MLLT1: variants seen among roughly 807,000 people sequenced by gnomAD.
MLLT1 encodes the protein MLLT1 super elongation complex subunit.
MLLT1 carries 11 observed loss-of-function variants against 55.1 expected under a neutral mutation model. The observed-to-expected ratio is 0.20, with a 90% CI of 0.13 to 0.33. The LOEUF is 0.33. MLLT1 is among the 10% of genes least tolerant of loss of function. MLLT1 has a pLI of 1.00. For missense variants in MLLT1, 536 were observed against 760.6 expected (o/e 0.70, Z 3.47); for synonymous variants, 323 against 320.1 (o/e 1.01, Z -0.10).
intron 2 of MLLT1, among the ~76,000 whole-genome samples, chr19:6,268,228 G>A (rs2091365005): frequency 2.0e-5 from 3 of 152,222 alleles, no homozygotes; most frequent in Non-Finnish European, 2.9e-5. Context: ...AAGGTAAACA[G>A]GCTCACATCA....
In MLLT1 at chr19:6,230,084, C is replaced by T. The variant is rs909524235; in HGVS notation, c.420+486G>A. Among the ~76,000 whole-genome samples the T allele has an allele frequency of 2.6e-5, 4 of 152,170 alleles. No homozygotes were observed. Among genetic ancestry groups the T allele is most frequent in the Non-Finnish European group, 4.4e-5 (3 of 68,032 alleles). On this transcript the variant is annotated intron_variant, in intron 4 of 11. Coordinates refer to ENST00000252674, the MANE Select transcript of MLLT1 (RefSeq NM_005934.4). This position sits in a 1 kb window ranked among gnomAD's most constrained non-coding sequence, Gnocchi z 9.0. ...GCCCTCGTGGGGAACTCTGAGCCCC[C>T]ACAGGGTCCGGAGGGCTCGACTCCA...
intron 1 of MLLT1, among the ~76,000 whole-genome samples, chr19:6,277,917 C>G (rs2091435512): frequency 6.6e-6 from 1 of 152,222 alleles, no homozygotes; most frequent in South Asian, 2.1e-4. Context: ...CGTGGAAATC[C>G]ACCAATCAAC....
intron 5 of MLLT1, among the ~76,000 whole-genome samples, chr19:6,224,527 A>T (rs1455593342): frequency 6.6e-6 from 1 of 152,224 alleles, no homozygotes; most frequent in Admixed American, 6.5e-5. Context: ...GGTCACAGCC[A>T]CCAAGGGCAG....
In MLLT1 at chr19:6,227,110, C is replaced by T; in HGVS notation, c.421-8G>A. The T allele has an allele frequency of 1.3e-6, 2 of 1,592,288 alleles. No homozygotes were observed. Among genetic ancestry groups the T allele is most frequent in the Non-Finnish European group, 1.7e-6 (2 of 1,171,682 alleles). On this transcript the variant is annotated splice_polypyrimidine_tract_variant and splice_region_variant and intron_variant, in intron 4 of 11. Transcript: ENST00000252674. The surrounding 1 kb of genome is among the most constrained non-coding windows in gnomAD (Gnocchi z 5.1). ...TTCGGGCATTACCATCACCTAGTGA[C>T]AGAGAAGAGACAGTCATTATCGATG...
chr19:6,236,788 CT>C (rs1485418368), intron 3 of MLLT1, among the ~76,000 whole-genome samples: 1 of 152,210 alleles, frequency 6.6e-6, no homozygotes, highest in Non-Finnish European at 1.5e-5. Flanking sequence ...CTTCATGCCC[CT>C]GAGGCCTGGC....
chr19:6,265,384 G>A (rs908514798), intron 2 of MLLT1, among the ~76,000 whole-genome samples: 1 of 152,130 alleles, frequency 6.6e-6, no homozygotes, highest in Non-Finnish European at 1.5e-5. Flanking sequence ...AAAAAGTTTT[G>A]GATCGGCTGG....
rs959003572 is a variant in MLLT1 at position 6,245,420 on chromosome 19, G to A, written c.277-14707C>T. Among the ~76,000 whole-genome samples, 63 of 151,488 alleles carry A rather than the reference G, an allele frequency of 4.2e-4. 1 individual carries two copies. The highest frequency in any genetic ancestry group is 5.9e-4 in the Admixed American group (9 of 15,230). On this transcript the variant is annotated intron_variant, in intron 3 of 11. Transcript: ENST00000252674. Reference sequence around the variant, plus strand: ...AAAAAAGTTTTTTTAATAACTCACCGGATGTGAGGGCCGGGCACAGTGGCT... The same window carrying A: ...AAAAAAGTTTTTTTAATAACTCACCAGATGTGAGGGCCGGGCACAGTGGCT...
At chr19:6,220,318 C>T (rs970149620) in intron 6 of MLLT1, among the ~76,000 whole-genome samples, 7 of 152,230 alleles carry the variant, frequency 4.6e-5, no homozygotes, top group African/African-American at 9.6e-5. Context: ...GGGGAAGAGG[C>T]GTCAGGGACT....
intron 3 of MLLT1, among the ~76,000 whole-genome samples, chr19:6,253,742 A>G (rs2091237284): frequency 6.6e-6 from 1 of 152,230 alleles, no homozygotes; most frequent in Admixed American, 6.5e-5. Context: ...TGATTTTCTC[A>G]TTAGAGACAG....
At position 6,212,942 on chromosome 19, in the gene MLLT1, G is replaced by T; in HGVS notation, c.*100C>A. Reference sequence around the variant, plus strand: ...CGGGCGAGGACAGGGCTGTCGCTAAGGCAGTGCTGCGGGCAGGCGAGACGG... The same window carrying T: ...CGGGCGAGGACAGGGCTGTCGCTAATGCAGTGCTGCGGGCAGGCGAGACGG... On this transcript the variant is annotated 3_prime_UTR_variant, in exon 12 of 12. Coordinates refer to ENST00000252674, the MANE Select transcript of MLLT1 (RefSeq NM_005934.4). The T allele has an allele frequency of 6.9e-7, 1 of 1,459,084 alleles. No homozygotes were observed. Among genetic ancestry groups the T allele is most frequent in the Non-Finnish European group, 9.3e-7 (1 of 1,070,696 alleles). 90.4% of individuals were successfully genotyped at this position (1,459,084 alleles called of 1,614,324 possible).
Position 6,211,525 on chromosome 19 carries a change from C to T in MLLT1, c.*1517G>A, listed in dbSNP as rs1455819441. On this transcript the variant is annotated 3_prime_UTR_variant, in exon 12 of 12. Coordinates refer to ENST00000252674, the MANE Select transcript of MLLT1 (RefSeq NM_005934.4). This position sits in a 1 kb window ranked among gnomAD's most constrained non-coding sequence, Gnocchi z 4.6. Reference sequence around the variant, plus strand: ...GGACCTCAGGGAGGGACAGATGGAGCCCCCCAAGTCTGAACTCATAGGCTG... The same window carrying T: ...GGACCTCAGGGAGGGACAGATGGAGTCCCCCAAGTCTGAACTCATAGGCTG... 14 of 850,572 alleles carry T rather than the reference C, an allele frequency of 1.6e-5. No individual in the cohort carries two copies. The highest frequency in any genetic ancestry group is 2.0e-5 in the Non-Finnish European group (14 of 683,276). The allele number at this position is 850,572 out of a possible 1,614,324, so 52.7% of individuals were successfully genotyped here. A position where few individuals can be genotyped will look rare whatever the true frequency, so the allele number is the denominator to read the frequency against.
chr19:6,264,127 A>G (rs2091327331), intron 2 of MLLT1, among the ~76,000 whole-genome samples: 1 of 152,134 alleles, frequency 6.6e-6, no homozygotes, highest in Non-Finnish European at 1.5e-5. Flanking sequence ...TGTAAATTAC[A>G]TCTCCATAAA....
intron 3 of MLLT1, among the ~76,000 whole-genome samples, chr19:6,250,693 G>C (rs2091205508): frequency 6.6e-6 from 1 of 152,126 alleles, no homozygotes; most frequent in Non-Finnish European, 1.5e-5. Context: ...CTTTCTGTTT[G>C]TGGTTGGTTG....
chr19:6,255,885 C>T (rs1329513834), intron 3 of MLLT1, among the ~76,000 whole-genome samples: 1 of 152,194 alleles, frequency 6.6e-6, no homozygotes, highest in Admixed American at 6.5e-5. Context: ...CCAGCATTTT[C>T]GGGGCCCAAG....
At chr19:6,275,936 A>G (rs1043570309) in intron 1 of MLLT1, among the ~76,000 whole-genome samples, 8 of 152,148 alleles carry the variant, frequency 5.3e-5, no homozygotes, top group Non-Finnish European at 1.0e-4. Context: ...GCTATCTCCC[A>G]CGTTCTCCAG....
At chr19:6,257,332 T>C (rs34616406) in intron 3 of MLLT1, among the ~76,000 whole-genome samples, 52,254 of 149,690 alleles carry the variant, frequency 0.35, 10,876 homozygotes, top group African/African-American at 0.59. Flanking sequence ...AAGATCACAC[T>C]ACTGCACTCC....
intron 3 of MLLT1, among the ~76,000 whole-genome samples, chr19:6,232,405 G>A (rs2091020236): frequency 6.6e-6 from 1 of 152,166 alleles, no homozygotes; most frequent in Non-Finnish European, 1.5e-5. Flanking sequence ...GAATGGTGGT[G>A]GCCCTACTCC....
chr19:6,264,289 T>C (rs773235920), intron 2 of MLLT1, among the ~76,000 whole-genome samples: 7 of 117,632 alleles, frequency 6.0e-5, no homozygotes, highest in Admixed American at 1.0e-4. Context: ...TCTGGAGAAA[T>C]TGAGATGGTT....
chr19:6,239,470 C>A (rs909211300), intron 3 of MLLT1, among the ~76,000 whole-genome samples: 2 of 152,158 alleles, frequency 1.3e-5, no homozygotes, highest in Non-Finnish European at 2.9e-5. Context: ...CCAGGCACAG[C>A]GGCCTGTGCT....
Sources: gnomAD v4.1 joint callset for allele counts (sites outside exome capture counted in the v4.1 genomes callset) on GRCh38, gnomAD v4.1.1 for gene constraint, Gnocchi (gnomAD v3.1) non-coding constraint, MANE v1.5 for transcripts, NCBI Gene and HGNC (gene_info 2026-07-23, HGNC 2026-07-21) for gene names.